GPR158: variants seen among roughly 807,000 people sequenced by gnomAD.
GPR158 encodes G protein-coupled receptor 158, also known as metabotropic glycine receptor.
In GPR158, 30 loss-of-function variants were observed where a neutral mutation model predicts 78.2. The ratio of observed to expected loss-of-function variants is 0.38; its 90% CI spans 0.29 to 0.52. The LOEUF is 0.52. Ranked by LOEUF, GPR158 falls within the 20% of genes least tolerant of loss-of-function variation. The probability of loss-of-function intolerance (pLI) is 0.83; values close to 1 mark genes in which losing one functional copy is unlikely to be tolerated. For missense variants in GPR158, 1,463 were observed against 1,523.5 expected (o/e 0.96, Z 0.66); for synonymous variants, 581 against 591.1 (o/e 0.98, Z 0.25).
At chr10:25,346,017 C>G (rs147754996) in intron 2 of GPR158, among the ~76,000 whole-genome samples, 22 of 151,926 alleles carry the variant, frequency 1.4e-4, no homozygotes, top group Admixed American at 4.6e-4. Context: ...TAATAGGAAA[C>G]TAATTTAAAT....
At position 25,459,161 on chromosome 10, in the gene GPR158, G is replaced by A. The variant is rs138556541; in HGVS notation, c.1336-7490G>A. Among the ~76,000 whole-genome samples, 361 of 152,070 alleles carry A rather than the reference G, an allele frequency of 2.4e-3. 2 individuals are homozygous for A. The East Asian group carries it at 0.028, about 12-fold the overall frequency. On this transcript the variant is annotated intron_variant, in intron 4 of 10. Transcript: ENST00000376351. Reference sequence around the variant, plus strand: ...CATCTTTTTTTCCAATCCATATTGTGTAATTATTTTATCAGGTGTTTGTCA... The same window carrying A: ...CATCTTTTTTTCCAATCCATATTGTATAATTATTTTATCAGGTGTTTGTCA...
intron 5 of GPR158, among the ~76,000 whole-genome samples, chr10:25,532,007 C>G (rs1384387610): frequency 6.6e-6 from 1 of 152,090 alleles, no homozygotes; most frequent in Non-Finnish European, 1.5e-5. Flanking sequence ...GAAATGGTGA[C>G]TTCTTCACAG....
At chr10:25,367,156 C>A (rs1467452994) in intron 2 of GPR158, among the ~76,000 whole-genome samples, 2 of 151,346 alleles carry the variant, frequency 1.3e-5, no homozygotes, top group African/African-American at 4.8e-5. Flanking sequence ...TAATCAAAAC[C>A]AGAATTTATT....
At chr10:25,185,870 C>T (rs1472524805) in intron 1 of GPR158, among the ~76,000 whole-genome samples, 3 of 152,050 alleles carry the variant, frequency 2.0e-5, no homozygotes, top group Middle Eastern at 3.2e-3. Context: ...CTGCACCAAG[C>T]GGACTTAATA....
chr10:25,321,341 A>C lies in GPR158; in HGVS notation c.1009-74570A>C, dbSNP rs76759070. Reference sequence around the variant, plus strand: ...ATATTTCCAGAGAATTGTAATGATTAATAAACATTTGTACCTGAGAATCTT... The same window carrying C: ...ATATTTCCAGAGAATTGTAATGATTCATAAACATTTGTACCTGAGAATCTT... On this transcript the variant is annotated intron_variant, in intron 2 of 10. Coordinates refer to ENST00000376351, the MANE Select transcript of GPR158 (RefSeq NM_020752.3). Among the ~76,000 whole-genome samples, 1,007 of 152,346 alleles carry C rather than the reference A, an allele frequency of 6.6e-3. 2 individuals are homozygous for C. Among genetic ancestry groups the C allele is most frequent in the Non-Finnish European group, 0.011 (727 of 68,014 alleles).
intron 4 of GPR158, among the ~76,000 whole-genome samples, chr10:25,442,826 T>C (rs976253415): frequency 6.6e-6 from 1 of 152,150 alleles, no homozygotes; most frequent in Non-Finnish European, 1.5e-5. Context: ...GATACTGTCA[T>C]TTCTTCCACT....
At chr10:25,557,307 T>C (rs760924460) in intron 6 of GPR158, among the ~76,000 whole-genome samples, 4 of 152,208 alleles carry the variant, frequency 2.6e-5, no homozygotes, top group Non-Finnish European at 5.9e-5. Context: ...GGCTGTGACC[T>C]CTCACTTCCT....
At chr10:25,460,366 A>G (rs1429173839) in intron 4 of GPR158, among the ~76,000 whole-genome samples, 1 of 151,764 alleles carries the variant, frequency 6.6e-6, no homozygotes, top group Non-Finnish European at 1.5e-5. Flanking sequence ...TATGCCCAGC[A>G]AATTTTTGTA....
chr10:25,375,774 T>C (rs1453437939), intron 2 of GPR158, among the ~76,000 whole-genome samples: 1 of 151,646 alleles, frequency 6.6e-6, no homozygotes, highest in Non-Finnish European at 1.5e-5. Flanking sequence ...AATATCGTAG[T>C]GTCTTAATTA....
chr10:25,361,389 A>G (rs1590835), intron 2 of GPR158, among the ~76,000 whole-genome samples: 27,339 of 151,864 alleles, frequency 0.18, 3,101 homozygotes, highest in African/African-American at 0.32. Flanking sequence ...TAGTGCCACT[A>G]TGAACATGGG....
chr10:25,419,849 C>A (rs1834722431), intron 4 of GPR158, among the ~76,000 whole-genome samples: 1 of 151,986 alleles, frequency 6.6e-6, no homozygotes, highest in South Asian at 2.1e-4. Context: ...ATTTTATTTT[C>A]ACAAGTCTAT....
intron 7 of GPR158, among the ~76,000 whole-genome samples, chr10:25,577,625 T>C (rs1837120820): frequency 1.3e-5 from 2 of 152,182 alleles, no homozygotes; most frequent in African/African-American, 4.8e-5. Flanking sequence ...TTTTGCTCAT[T>C]GCACAGGGCT....
intron 5 of GPR158, among the ~76,000 whole-genome samples, chr10:25,546,775 C>T (rs559706570): frequency 2.3e-4 from 35 of 152,254 alleles, no homozygotes; most frequent in African/African-American, 8.2e-4. Context: ...TGCTAAGCCA[C>T]AGGGGAGGCA....
chr10:25,309,272 A>G (rs1854728472), intron 2 of GPR158, among the ~76,000 whole-genome samples: 1 of 151,620 alleles, frequency 6.6e-6, no homozygotes, highest in Admixed American at 6.6e-5. Flanking sequence ...GTGGTATCTC[A>G]TTGTGGTTTT....
At chr10:25,570,703 TC>T (rs1369981345) in intron 6 of GPR158, among the ~76,000 whole-genome samples, 4 of 152,074 alleles carry the variant, frequency 2.6e-5, no homozygotes, top group African/African-American at 9.7e-5. Flanking sequence ...TCACCTGAGG[TC>T]AGGAGTTCAA....
intron 2 of GPR158, among the ~76,000 whole-genome samples, chr10:25,358,634 C>T (rs1292656064): frequency 1.3e-5 from 2 of 152,072 alleles, no homozygotes; most frequent in African/African-American, 4.8e-5. Context: ...TGTGAGGTCT[C>T]CCTAGCCATG....
At chr10:25,559,104 G>A (rs1263294408) in intron 6 of GPR158, among the ~76,000 whole-genome samples, 3 of 152,058 alleles carry the variant, frequency 2.0e-5, no homozygotes, top group South Asian at 2.1e-4. Flanking sequence ...TTCAGTTTTT[G>A]CCTCAGGTAT....
chr10:25,253,186 C>T (rs867764832), intron 2 of GPR158, among the ~76,000 whole-genome samples: 2,392 of 152,276 alleles, frequency 0.016, 8 homozygotes, highest in African/African-American at 0.055. Flanking sequence ...GCACCGTGCG[C>T]GCACCCACTG....
intron 8 of GPR158, among the ~76,000 whole-genome samples, chr10:25,591,179 G>A (rs1363741509): frequency 1.3e-5 from 2 of 152,018 alleles, no homozygotes; most frequent in African/African-American, 4.8e-5. Flanking sequence ...GCACTTTATA[G>A]TCTCCTTTTC....
Sources: gnomAD v4.1 joint callset for allele counts (sites outside exome capture counted in the v4.1 genomes callset) on GRCh38, gnomAD v4.1.1 for gene constraint, MANE v1.5 for transcripts, NCBI Gene and HGNC (gene_info 2026-07-23, HGNC 2026-07-21) for gene names.